Variants in FNBP4 observed in about 807,000 individuals in gnomAD.
The protein encoded by FNBP4 is formin-binding protein 4.
A neutral mutation model predicts 119.3 loss-of-function variants in FNBP4; 34 were observed. The observed-to-expected ratio is 0.28, with a 90% CI of 0.22 to 0.38. The LOEUF is 0.38. FNBP4 is among the 10% of genes least tolerant of loss of function. FNBP4 has a pLI of 1.00. For missense variants in FNBP4, 1,112 were observed against 1,228.9 expected, an observed-to-expected ratio of 0.90 and a Z score of 1.42; for synonymous variants, 462 against 430.6, an observed-to-expected ratio of 1.07 and a Z score of -0.90.
intron 2 of FNBP4, among the ~76,000 whole-genome samples, chr11:47,762,906 C>CAAAAAAAAAAA (rs56659957): frequency 2.0e-5 from 2 of 100,654 alleles, no homozygotes; most frequent in Admixed American, 1.2e-4. Flanking sequence ...ACTCTGATTC[C>CAAAAAAAAAAA]AAAAAAAAAA....
Position 47,739,667 on chromosome 11 carries a change from A to G in FNBP4, c.1457-2927T>C, listed in dbSNP as rs375874271. Reference sequence around the variant, plus strand: ...TAGCTCAGTGAGGTGGCACAAGCCTATAATTCCAGCACTTTGGGGGAGCGA... The same window carrying G: ...TAGCTCAGTGAGGTGGCACAAGCCTGTAATTCCAGCACTTTGGGGGAGCGA... On this transcript the variant is annotated intron_variant, in intron 8 of 16. Coordinates refer to ENST00000263773, the MANE Select transcript of FNBP4 (RefSeq NM_015308.5). 1.4e-4 allele frequency among the ~76,000 whole-genome samples: 21 copies of G among 152,346 alleles called. No homozygotes were observed. In the East Asian group the frequency reaches 1.5e-3, roughly 11 times the overall value.
intron 12 of FNBP4, chr11:47,727,018 TC>T (rs1293488055): frequency 6.6e-6 from 1 of 152,278 alleles, no homozygotes; most frequent in Admixed American, 6.5e-5. Flanking sequence ...GGTGGATGTC[TC>T]CTCTAGAAGC....
chr11:47,733,675 A>G (rs975349103), intron 10 of FNBP4, among the ~76,000 whole-genome samples: 1 of 152,070 alleles, frequency 6.6e-6, no homozygotes, highest in African/African-American at 2.4e-5. Context: ...TTCCTACAGG[A>G]GCTCCTTACC....
chr11:47,718,368 C>T lies in FNBP4; in HGVS notation c.2964-856G>A, dbSNP rs868116643. ...GGCTTGGACTACAGGCGCCTGCCAC[C>T]ATGTCCAGCTAATTTTTATATTTTT... is the stretch of plus-strand genomic sequence containing the variant. On this transcript the variant is annotated intron_variant, in intron 16 of 16. Transcript: ENST00000263773. 2.8e-4 allele frequency among the ~76,000 whole-genome samples: 42 copies of T among 152,124 alleles called. No individual in the cohort carries two copies. The Middle Eastern group carries it at 0.017, about 62-fold the overall frequency.
At chr11:47,756,259 G>C (rs1206093375) in intron 2 of FNBP4, among the ~76,000 whole-genome samples, 2 of 152,036 alleles carry the variant, frequency 1.3e-5, no homozygotes, top group Non-Finnish European at 2.9e-5. Context: ...ATTATTATAT[G>C]TATTATAAAC....
intron 7 of FNBP4, 63 bp downstream of exon 7, chr11:47,745,993 C>G (rs930862259): frequency 7.5e-7 from 1 of 1,337,444 alleles, no homozygotes; most frequent in East Asian, 2.3e-5. Context: ...AAGTCAAGCA[C>G]AATGATCCCT....
At chr11:47,724,411 G>T in intron 13 of FNBP4, 57 bp downstream of exon 13, 3 of 1,611,668 alleles carry the variant, frequency 1.9e-6, no homozygotes, top group Non-Finnish European at 2.5e-6. Context: ...ATAAAACATG[G>T]TGTCAATCAT....
chr11:47,728,953 A>G (rs2097564335), intron 12 of FNBP4, among the ~76,000 whole-genome samples: 1 of 150,692 alleles, frequency 6.6e-6, no homozygotes, highest in African/African-American at 2.4e-5. Context: ...CCCAGGTTCA[A>G]GTGATTCTCG....
At chr11:47,723,627 T>C (rs1417637077) in intron 14 of FNBP4, among the ~76,000 whole-genome samples, 1 of 152,174 alleles carries the variant, frequency 6.6e-6, no homozygotes, top group Admixed American at 6.5e-5. Context: ...TATAGCAGTG[T>C]GATCACAGCT....
chr11:47,742,486 A>G (rs1189030925), intron 8 of FNBP4, among the ~76,000 whole-genome samples: 4 of 145,724 alleles, frequency 2.7e-5, no homozygotes, highest in African/African-American at 7.8e-5. Context: ...TCAAAAAAAA[A>G]AAAAAAAAAA....
At chr11:47,759,370 C>A (rs2097627831) in intron 2 of FNBP4, among the ~76,000 whole-genome samples, 1 of 151,156 alleles carries the variant, frequency 6.6e-6, no homozygotes, top group Admixed American at 6.6e-5. Context: ...CACCACCACG[C>A]CTGGCTAATT....
At chr11:47,740,043 G>A (rs1298683973) in intron 8 of FNBP4, among the ~76,000 whole-genome samples, 6 of 151,908 alleles carry the variant, frequency 3.9e-5, no homozygotes, top group African/African-American at 7.2e-5. Flanking sequence ...CGGGTGATCC[G>A]TCTGTCTCGG....
rs923781803 is a variant in FNBP4 at position 47,732,988 on chromosome 11, G to A, written c.1687-318C>T. Among the ~76,000 whole-genome samples, 63 of 152,098 alleles carry A rather than the reference G, an allele frequency of 4.1e-4. No homozygotes were observed. Among genetic ancestry groups the A allele is most frequent in the Admixed American group, 2.1e-3 (32 of 15,272 alleles). ...CAAAAATTAGCTGGGCTTGGTGGCAGGCGCCTGTAATCCCAGCTACTCGAG... is the reference window on the plus strand; with the variant it reads ...CAAAAATTAGCTGGGCTTGGTGGCAAGCGCCTGTAATCCCAGCTACTCGAG... On this transcript the variant is annotated intron_variant, in intron 10 of 16. Transcript: ENST00000263773. This position sits in a 1 kb window ranked among gnomAD's most constrained non-coding sequence, Gnocchi z 4.2.
At chr11:47,745,365 G>A (rs2135192242) in intron 7 of FNBP4, among the ~76,000 whole-genome samples, 1 of 152,156 alleles carries the variant, frequency 6.6e-6, no homozygotes, top group South Asian at 2.1e-4. Context: ...TCCTGGGGAA[G>A]GAATGCATTC....
chr11:47,749,035 C>A (rs1039751876), intron 6 of FNBP4, among the ~76,000 whole-genome samples: 22 of 152,030 alleles, frequency 1.4e-4, no homozygotes, highest in African/African-American at 7.2e-5. Context: ...GAGGCAGAAG[C>A]ATCACTTGAG....
chr11:47,717,919 A>AT lies in FNBP4; in HGVS notation c.2964-408dup, dbSNP rs1235142676. 4.0e-3 allele frequency among the ~76,000 whole-genome samples: 563 copies of AT among 141,668 alleles called. 3 individuals carry two copies. The highest frequency in any genetic ancestry group is 0.015 in the Middle Eastern group (4 of 272). The allele number at this position is 141,668 out of a possible 152,430, so 92.9% of individuals were successfully genotyped here. A position where few individuals can be genotyped will look rare whatever the true frequency, so the allele number is the denominator to read the frequency against. On this transcript the variant is annotated intron_variant, in intron 16 of 16. Transcript: ENST00000263773. ...AGGCATGTGCAACCATGCCTGGCTA[A>AT]TTTTTTTTTTTTTTAAGTAGCGACA...
At chr11:47,724,271 A>C in intron 13 of FNBP4, 99 bp from the exon 14 acceptor site, 1 of 1,537,468 alleles carries the variant, frequency 6.5e-7, no homozygotes, top group Non-Finnish European at 8.8e-7. Flanking sequence ...TCTGTTGCAC[A>C]AGCTGCAGTG....
intron 12 of FNBP4, chr11:47,725,451 T>C (rs1213449485): frequency 6.6e-6 from 1 of 152,218 alleles, no homozygotes; most frequent in Admixed American, 6.5e-5. Context: ...CACCCTTGCA[T>C]ACATTACATT....
At chr11:47,763,836 G>A (rs1275541890) in intron 2 of FNBP4, among the ~76,000 whole-genome samples, 1 of 152,004 alleles carries the variant, frequency 6.6e-6, no homozygotes, top group African/African-American at 2.4e-5. Flanking sequence ...TTTTGAGAAA[G>A]GTGTTGACCC....
Sources: allele counts gnomAD v4.1 joint callset (sites outside exome capture counted in the v4.1 genomes callset), GRCh38; gene constraint gnomAD v4.1.1; non-coding constraint Gnocchi (gnomAD v3.1); transcripts MANE v1.5; gene names NCBI Gene and HGNC (gene_info 2026-07-23, HGNC 2026-07-21).